Variants in CWH43 observed in about 807,000 individuals in gnomAD.
The protein encoded by CWH43 is cell wall biogenesis 43 C-terminal homolog.
In CWH43, 91 loss-of-function variants were observed where a neutral mutation model predicts 85.7. That is an observed-to-expected ratio of 1.06 (90% CI 0.90 to 1.26). The LOEUF is 1.26. Among genes scored for constraint, CWH43 ranks in the 50% most tolerant of loss-of-function variants. CWH43 has a pLI of 0.00. For missense variants in CWH43, 869 were observed against 839.2 expected (o/e 1.04, Z -0.44); for synonymous variants, 323 against 293.6 (o/e 1.10, Z -1.02).
chr4:49,028,854 G>T, intron 10 of CWH43, 120 bp downstream of exon 10: 1 of 645,342 alleles, frequency 1.5e-6, no homozygotes, highest in Non-Finnish European at 2.6e-6. Flanking sequence ...ACCAGCAGAT[G>T]ATCATAAACT....
chr4:49,057,338 G>A (rs186066163), intron 15 of CWH43, among the ~76,000 whole-genome samples: 24 of 152,326 alleles, frequency 1.6e-4, no homozygotes, highest in East Asian at 1.4e-3. Context: ...AGGACATCTC[G>A]AAGCAGAAAG....
rs777264960 is a variant in CWH43, at chr4:49,044,783, T to G, written c.1804-3T>G. 6.2e-7 allele frequency: 1 copy of G among 1,611,648 alleles called. No individual in the cohort carries two copies. The highest frequency in any genetic ancestry group is 2.2e-5 in the East Asian group (1 of 44,830). ...AAACATTCTCCTCTCTGCTCTTTAT[T>G]AGGATATCGACAGCACTGATCATGA... On this transcript the variant is annotated splice_region_variant and splice_polypyrimidine_tract_variant and intron_variant, in intron 13 of 15. Coordinates refer to ENST00000226432, the MANE Select transcript of CWH43 (RefSeq NM_025087.3).
intron 9 of CWH43, among the ~76,000 whole-genome samples, chr4:49,026,846 C>A (rs1412722633): frequency 6.6e-6 from 1 of 152,174 alleles, no homozygotes; most frequent in African/African-American, 2.4e-5. Context: ...CTGCTGTAAA[C>A]ATGTGTGTCC....
intron 15 of CWH43, among the ~76,000 whole-genome samples, chr4:49,061,317 G>A (rs1396594430): frequency 6.6e-6 from 1 of 152,168 alleles, no homozygotes; most frequent in Non-Finnish European, 1.5e-5. Context: ...GAAGGAAGTG[G>A]CCTCTTATGT....
chr4:49,052,829 C>T (rs1784839504), intron 15 of CWH43, among the ~76,000 whole-genome samples: 1 of 152,158 alleles, frequency 6.6e-6, no homozygotes, highest in Admixed American at 6.5e-5. Flanking sequence ...GCAATTTTCA[C>T]ATATACAATA....
chr4:49,041,124 C>G (rs1268060927), intron 13 of CWH43, among the ~76,000 whole-genome samples: 2 of 152,164 alleles, frequency 1.3e-5, no homozygotes, highest in South Asian at 2.1e-4. Flanking sequence ...GGTACCAGTA[C>G]CATGCTGTTT....
intron 14 of CWH43, among the ~76,000 whole-genome samples, chr4:49,049,651 C>G (rs771034211): frequency 1.3e-5 from 2 of 152,092 alleles, no homozygotes; most frequent in African/African-American, 4.8e-5. Flanking sequence ...GGAGTTGGCC[C>G]GCAAAACACC....
chr4:49,045,748 A>G (rs1784603171), intron 14 of CWH43, among the ~76,000 whole-genome samples: 1 of 152,142 alleles, frequency 6.6e-6, no homozygotes, highest in Non-Finnish European at 1.5e-5. Context: ...TTTTAAATCG[A>G]CACATAATAA....
chr4:49,049,444 C>T (rs2109837702), intron 14 of CWH43, among the ~76,000 whole-genome samples: 1 of 152,094 alleles, frequency 6.6e-6, no homozygotes, highest in South Asian at 2.1e-4. Flanking sequence ...TGACCCTTTC[C>T]CTGAAGGTGA....
intron 9 of CWH43, among the ~76,000 whole-genome samples, chr4:49,021,140 T>A (rs1783739920): frequency 6.6e-6 from 1 of 152,120 alleles, no homozygotes; most frequent in Non-Finnish European, 1.5e-5. Flanking sequence ...AAGCCAATTT[T>A]AAAAGAGTTT....
chr4:49,052,443 A>G (rs1432762801), intron 15 of CWH43, among the ~76,000 whole-genome samples: 4 of 152,238 alleles, frequency 2.6e-5, no homozygotes, highest in Non-Finnish European at 2.9e-5. Context: ...GTGAGTGCTT[A>G]TTGTTTAACA....
intron 14 of CWH43, 149 bp from the exon 15 acceptor site, chr4:49,050,545 A>G: frequency 1.9e-6 from 1 of 514,022 alleles, no homozygotes. Context: ...CAATATTTAG[A>G]TTAACAATTT....
intron 15 of CWH43, among the ~76,000 whole-genome samples, chr4:49,053,124 T>C (rs1784848697): frequency 1.3e-5 from 2 of 152,196 alleles, no homozygotes; most frequent in South Asian, 4.1e-4. Flanking sequence ...ATTTCCTCTT[T>C]TCAGGCTGAA....
At chr4:49,026,709 C>G (rs562661729) in intron 9 of CWH43, among the ~76,000 whole-genome samples, 1 of 152,272 alleles carries the variant, frequency 6.6e-6, no homozygotes, top group East Asian at 1.9e-4. Flanking sequence ...CTGCAAAAGA[C>G]ATTATTTTGT....
Position 48,994,641 on chromosome 4 carries a change from A to C in CWH43, c.534A>C (p.Glu178Asp), listed in dbSNP as rs369801723. ...IGTDGDCSKPEEKKTGEVATG... is the reference protein window; with the variant it reads ...IGTDGDCSKPDEKKTGEVATG... ...TAGATGGTGACTGCAGTAAACCTGA[A>C]GAAAAGAAGACTGGTGAGGTAGCCA... The change falls in exon 5 of 16, where the codon GAA becomes GAC. Residue 178 changes from glutamate to aspartate, a missense_variant. By Grantham distance (45) the Glu-to-Asp change is conservative (BLOSUM62 2). Transcript: ENST00000226432. 3 of 1,613,062 alleles carry C rather than the reference A, an allele frequency of 1.9e-6. No homozygotes were observed. In the African/African-American group the frequency reaches 4.0e-5, roughly 22 times the overall value.
chr4:48,988,329 A>T, intron 1 of CWH43, 148 bp from the exon 2 acceptor site: 1 of 553,416 alleles, frequency 1.8e-6, no homozygotes, highest in Non-Finnish European at 3.1e-6. Flanking sequence ...GTTTTGTTCC[A>T]TGTCAGTGGA....
At chr4:48,986,787 T>G (rs1577645449) in intron 1 of CWH43, 1 of 1,210,796 alleles carries the variant, frequency 8.3e-7, no homozygotes, top group Non-Finnish European at 1.0e-6. Flanking sequence ...GCGCGGCCGG[T>G]ACCGTCCCCA....
chr4:48,988,453 C>T, intron 1 of CWH43, 24 bp from the exon 2 acceptor site: 3 of 1,485,986 alleles, frequency 2.0e-6, no homozygotes, highest in East Asian at 2.3e-5. Context: ...CACTTTCTCT[C>T]TTTAACTTTT....
chr4:49,012,550 G>A (rs1266076032), intron 8 of CWH43, among the ~76,000 whole-genome samples: 1 of 152,194 alleles, frequency 6.6e-6, no homozygotes, highest in Non-Finnish European at 1.5e-5. Context: ...AGGAGAAGAG[G>A]CACTCTGGTT....
Sources: allele counts gnomAD v4.1 joint callset (sites outside exome capture counted in the v4.1 genomes callset), GRCh38; gene constraint gnomAD v4.1.1; transcripts MANE v1.5; gene names NCBI Gene and HGNC (gene_info 2026-07-23, HGNC 2026-07-21).